The following ADORA1 variants were observed in gnomAD, a reference collection of about 807,000 sequenced individuals.
ADORA1 encodes adenosine A1 receptor.
A neutral mutation model predicts 19.9 loss-of-function variants in ADORA1; 6 were observed. The ratio of observed to expected loss-of-function variants is 0.30; its 90% CI spans 0.17 to 0.59. The LOEUF (loss-of-function observed/expected upper bound fraction) is 0.59, where lower values mean the gene tolerates loss of function less well. ADORA1 is among the 20% of genes least tolerant of loss of function. ADORA1 has a pLI of 0.87. For missense variants in ADORA1, 302 were observed against 439.2 expected (o/e 0.69, Z 2.79); for synonymous variants, 194 against 188.4 (o/e 1.03, Z -0.24).
At chr1:203,129,508 A>T (rs1277201077) in intron 3 of ADORA1, 1 of 351,382 alleles carries the variant, frequency 2.8e-6, no homozygotes, top group Non-Finnish European at 5.2e-6. Context: ...AGATGGGGTC[A>T]CAGTGAGTGC....
chr1:203,128,649 G>A lies in ADORA1; in HGVS notation c.-57-136G>A. 1 of 1,095,488 alleles carries A rather than the reference G, an allele frequency of 9.1e-7. No homozygotes were observed. Among genetic ancestry groups the A allele is most frequent in the South Asian group, 1.6e-5 (1 of 60,986 alleles). The allele number at this position is 1,095,488 out of a possible 1,614,324, so 67.9% of individuals were successfully genotyped here. A position where few individuals can be genotyped will look rare whatever the true frequency, so the allele number is the denominator to read the frequency against. ...CAAAGATTAGGCAGAGAAGGGTCCG[G>A]GTGCCCCTCCAGCCTGGGTAGGAGC... On this transcript the variant is annotated intron_variant, in intron 2 of 3. Transcript: ENST00000337894. This position sits in a 1 kb window ranked among gnomAD's most constrained non-coding sequence, Gnocchi z 5.9.
intron 3 of ADORA1, chr1:203,129,502 G>A (rs889643006): frequency 3.8e-5 from 14 of 365,684 alleles, no homozygotes; most frequent in African/African-American, 2.9e-4. Context: ...CCACTAAGAT[G>A]GGGTCACAGT....
At position 203,165,113 on chromosome 1, in the gene ADORA1, G is replaced by A. The variant is rs41264023; in HGVS notation, c.342-148G>A. The stretch of plus-strand genomic sequence containing the variant: ...CTTAGATCCTGAAGACTCAGCCCTC[G>A]AGCAAAAGACATGCACCTCCCCACT... On this transcript the variant is annotated intron_variant, in intron 3 of 3. Coordinates refer to ENST00000337894, the MANE Select transcript of ADORA1 (RefSeq NM_000674.3). This position sits in a 1 kb window ranked among gnomAD's most constrained non-coding sequence, Gnocchi z 5.9. 4.6e-3 allele frequency: 7,115 copies of A among 1,552,640 alleles called. 42 individuals carry two copies. The highest frequency in any genetic ancestry group is 4.8e-3 in the Non-Finnish European group (5,478 of 1,147,972).
In ADORA1 at chr1:203,133,949, G is replaced by C. The variant is rs548019508; in HGVS notation, c.341+4767G>C. On this transcript the variant is annotated intron_variant, in intron 3 of 3. Coordinates refer to ENST00000337894, the MANE Select transcript of ADORA1 (RefSeq NM_000674.3). The stretch of plus-strand genomic sequence containing the variant: ...ATGCCTTGTGTGCCGTCATGCCCCC[G>C]CAGGTGACTGTCTGTGGCTTCTGGG... Among the ~76,000 whole-genome samples, 7 of 152,308 alleles carry C rather than the reference G, an allele frequency of 4.6e-5. No homozygotes were observed. In the East Asian group the frequency reaches 1.4e-3, roughly 29 times the overall value.
At chr1:203,147,529 C>T (rs762137002) in intron 3 of ADORA1, among the ~76,000 whole-genome samples, 1 of 152,212 alleles carries the variant, frequency 6.6e-6, no homozygotes, top group Non-Finnish European at 1.5e-5. Context: ...TGCCACTGGG[C>T]CTTGCTACTC....
chr1:203,129,287 T>TGTTC, intron 3 of ADORA1, 105 bp downstream of exon 3: 1 of 1,491,822 alleles, frequency 6.7e-7, no homozygotes, highest in Admixed American at 2.3e-5. Context: ...GTAAGCCAGA[T>TGTTC]GTTCTTTGGG....
At chr1:203,161,514 T>A (rs1655366492) in intron 3 of ADORA1, among the ~76,000 whole-genome samples, 1 of 151,544 alleles carries the variant, frequency 6.6e-6, no homozygotes, top group Non-Finnish European at 1.5e-5. Context: ...CCTTGTGGGA[T>A]TTTATGCACT....
At chr1:203,155,753 A>G (rs1048755116) in intron 3 of ADORA1, among the ~76,000 whole-genome samples, 1 of 152,186 alleles carries the variant, frequency 6.6e-6, no homozygotes, top group Admixed American at 6.5e-5. Context: ...TACATTTCAT[A>G]AGAGGCCCTT....
chr1:203,165,262 T>C lies in ADORA1; in HGVS notation c.343T>C (p.Tyr115His). The C allele has an allele frequency of 6.3e-7, 1 of 1,588,702 alleles. No individual in the cohort carries two copies. The highest frequency in any genetic ancestry group is 8.6e-7 in the Non-Finnish European group (1 of 1,167,346). Reference protein sequence around the residue: ...RYLRVKIPLRYKMVVTPRRAA... With the variant: ...RYLRVKIPLRHKMVVTPRRAA... The stretch of plus-strand genomic sequence containing the variant: ...ACACTCTGCCCTCCTCTCCCCCAGG[T>C]ACAAGATGGTGGTGACCCCCCGGAG... The change falls in exon 4 of 4, where the codon TAC (tyrosine) becomes CAC (histidine). Residue 115 changes from tyrosine (Y) to histidine (H), a missense_variant and splice_region_variant. Tyr to His is a moderately conservative substitution (Grantham distance 83, BLOSUM62 2). Coordinates refer to ENST00000337894, the MANE Select transcript of ADORA1 (RefSeq NM_000674.3). This position sits in a 1 kb window ranked among gnomAD's most constrained non-coding sequence, Gnocchi z 5.9.
intron 3 of ADORA1, among the ~76,000 whole-genome samples, chr1:203,152,048 A>T (rs1655054558): frequency 6.6e-6 from 1 of 152,084 alleles, no homozygotes; most frequent in Non-Finnish European, 1.5e-5. Context: ...TCTATAGAAG[A>T]TGATTTGACA....
chr1:203,145,862 G>A (rs1005388443), intron 3 of ADORA1, among the ~76,000 whole-genome samples: 1 of 152,156 alleles, frequency 6.6e-6, no homozygotes, highest in Non-Finnish European at 1.5e-5. Context: ...AGTGTGGCCT[G>A]AGGAGTTCCT....
rs1002895714 is a variant in ADORA1, at chr1:203,150,722, C to G, written c.342-14539C>G. The G allele has an allele frequency of 6.2e-6, 8 of 1,289,684 alleles. No individual in the cohort carries two copies. In the African/African-American group the frequency reaches 1.2e-4, roughly 20 times the overall value. 79.9% of individuals were successfully genotyped at this position (1,289,684 alleles called of 1,614,324 possible). A position where few individuals can be genotyped will look rare whatever the true frequency, so the allele number is the denominator to read the frequency against. On this transcript the variant is annotated intron_variant, in intron 3 of 3. Coordinates refer to ENST00000337894, the MANE Select transcript of ADORA1 (RefSeq NM_000674.3). ...GGACTTTCTAATGTGGAAGCACAAG[C>G]TGTGGAATGCGGAGCTGAGTGTGGG... is the stretch of plus-strand genomic sequence containing the variant.
At chr1:203,151,269 C>T (rs1466861715) in intron 3 of ADORA1, among the ~76,000 whole-genome samples, 5 of 152,142 alleles carry the variant, frequency 3.3e-5, no homozygotes, top group Non-Finnish European at 7.4e-5. Flanking sequence ...CTCCAGGGAG[C>T]GTGACTTCTC....
intron 3 of ADORA1, among the ~76,000 whole-genome samples, chr1:203,143,736 T>C (rs183408962): frequency 1.6e-4 from 24 of 152,360 alleles, no homozygotes; most frequent in African/African-American, 5.8e-4. Flanking sequence ...TGTTTCCTGT[T>C]TGTGCCCCAC....
intron 3 of ADORA1, among the ~76,000 whole-genome samples, chr1:203,156,789 A>T (rs371244755): frequency 3.3e-5 from 5 of 152,330 alleles, no homozygotes; most frequent in South Asian, 4.1e-4. Flanking sequence ...GCCATGTCTG[A>T]TAAGGACCTT....
Position 203,128,571 on chromosome 1 carries a change from G to A in ADORA1, c.-58+139G>A. On this transcript the variant is annotated intron_variant, in intron 2 of 3. Transcript: ENST00000337894. The surrounding 1 kb of genome is among the most constrained non-coding windows in gnomAD (Gnocchi z 5.9). ...TAAAAAAGCCAGTGGAGGAGTGAGC[G>A]CTGCTATTTTAAGTTGCTGAATGGA... 1 of 870,272 alleles carries A rather than the reference G, an allele frequency of 1.1e-6. No homozygotes were observed. Among genetic ancestry groups the A allele is most frequent in the Non-Finnish European group, 1.7e-6 (1 of 598,360 alleles). 53.9% of individuals were successfully genotyped at this position (870,272 alleles called of 1,614,324 possible).
chr1:203,130,887 G>A (rs1425177601), intron 3 of ADORA1, among the ~76,000 whole-genome samples: 1 of 152,214 alleles, frequency 6.6e-6, no homozygotes, highest in African/African-American at 2.4e-5. Flanking sequence ...GGGTCCTGGG[G>A]AGCTGTCCTT....
At position 203,128,997 on chromosome 1, in the gene ADORA1, G is replaced by A; in HGVS notation, c.156G>A (p.Ala52=). ...CCTTCTGCTTCATCGTGTCGCTGGCGGTGGCTGATGTGGCCGTGGGTGCCC... is the reference window on the plus strand; with the variant it reads ...CCTTCTGCTTCATCGTGTCGCTGGCAGTGGCTGATGTGGCCGTGGGTGCCC... ...DATFCFIVSL[A]VADVAVGALV... The change falls in exon 3 of 4, where the codon GCG becomes GCA. Residue 52 remains alanine (A), a synonymous_variant. Coordinates refer to ENST00000337894, the MANE Select transcript of ADORA1 (RefSeq NM_000674.3). The surrounding 1 kb of genome is among the most constrained non-coding windows in gnomAD (Gnocchi z 5.9). 5.0e-6 allele frequency: 8 copies of A among 1,614,150 alleles called. No individual in the cohort carries two copies. Among genetic ancestry groups the A allele is most frequent in the South Asian group, 1.1e-5 (1 of 91,078 alleles).
chr1:203,134,599 TG>T (rs2102737497), intron 3 of ADORA1, among the ~76,000 whole-genome samples: 1 of 152,282 alleles, frequency 6.6e-6, no homozygotes, highest in East Asian at 1.9e-4. Flanking sequence ...AGCCGGAGAA[TG>T]GCCAGGATGC....
Sources: allele counts gnomAD v4.1 joint callset (sites outside exome capture counted in the v4.1 genomes callset), GRCh38; gene constraint gnomAD v4.1.1; non-coding constraint Gnocchi (gnomAD v3.1); transcripts MANE v1.5; gene names NCBI Gene and HGNC (gene_info 2026-07-23, HGNC 2026-07-21).